Variants in MEF2D observed in about 807,000 individuals in gnomAD.
MEF2D encodes the protein myocyte-specific enhancer factor 2D.
In MEF2D, 10 loss-of-function variants were observed where a neutral mutation model predicts 59.3. The observed-to-expected ratio is 0.17, with a 90% CI of 0.10 to 0.29. MEF2D has a LOEUF of 0.29. Ranked by LOEUF, MEF2D falls within the 10% of genes least tolerant of loss-of-function variation. The pLI is 1.00. For synonymous variants in MEF2D, 305 were observed against 295.0 expected (o/e 1.03, Z -0.35); for missense variants, 508 against 699.4 (o/e 0.73, Z 3.09).
rs888421733 is a variant in MEF2D, at chr1:156,481,114, C to T, written c.259-143G>A. 1.8e-5 allele frequency: 21 copies of T among 1,169,770 alleles called. No individual in the cohort carries two copies. In the African/African-American group the frequency reaches 3.1e-4, roughly 17 times the overall value. The allele number at this position is 1,169,770 out of a possible 1,614,324, so 72.5% of individuals were successfully genotyped here. ...TCCCAGCATCTCCCTGGCCCCTCCC[C>T]ACTGACAGTGCCTCCTGGGGCATCG... On this transcript the variant is annotated intron_variant, in intron 3 of 11. Transcript: ENST00000348159.
At chr1:156,493,322 C>A (rs1672926834) in intron 1 of MEF2D, among the ~76,000 whole-genome samples, 1 of 152,170 alleles carries the variant, frequency 6.6e-6, no homozygotes, top group South Asian at 2.1e-4. Context: ...AGCAAATCCT[C>A]CTAGAGACAT....
chr1:156,482,362 G>A (rs1672080396), intron 3 of MEF2D, 75 bp downstream of exon 3: 2 of 1,507,504 alleles, frequency 1.3e-6, no homozygotes, highest in Non-Finnish European at 1.8e-6. Flanking sequence ...AGGTCTGCGT[G>A]TACATGCAAC....
At chr1:156,477,943 T>A (rs535360892) in intron 6 of MEF2D, among the ~76,000 whole-genome samples, 2 of 152,238 alleles carry the variant, frequency 1.3e-5, no homozygotes, top group Admixed American at 6.5e-5. Flanking sequence ...CTTTCACACA[T>A]GTATTATCTT....
chr1:156,488,874 C>T (rs1289405012), intron 1 of MEF2D, among the ~76,000 whole-genome samples: 2 of 152,126 alleles, frequency 1.3e-5, no homozygotes, highest in Non-Finnish European at 2.9e-5. Context: ...GAATTCCTTT[C>T]CGATAGCCAG....
In MEF2D at chr1:156,468,691, T is replaced by C; in HGVS notation, c.1247+89A>G. ...CCTCATAGGATGTCCACTAGAACCC[T>C]GCAGGGAACCCAGCTCCCAAGAGGT... On this transcript the variant is annotated intron_variant, in intron 10 of 11. Coordinates refer to ENST00000348159, the MANE Select transcript of MEF2D (RefSeq NM_005920.4). This position sits in a 1 kb window ranked among gnomAD's most constrained non-coding sequence, Gnocchi z 4.3. 1 of 1,548,698 alleles carries C rather than the reference T, an allele frequency of 6.5e-7. No individual in the cohort carries two copies. Among genetic ancestry groups the C allele is most frequent in the South Asian group, 1.2e-5 (1 of 81,380 alleles).
At position 156,465,350 on chromosome 1, in the gene MEF2D, G is replaced by T; in HGVS notation, c.*2295C>A. 6.6e-6 allele frequency: 1 copy of T among 152,666 alleles called. No individual in the cohort carries two copies. 9.5% of individuals were successfully genotyped at this position (152,666 alleles called of 1,614,324 possible). The stretch of plus-strand genomic sequence containing the variant: ...GTGGGTGGAAGCAGAGGTCCCTGGA[G>T]GGAGAGACCTTGGCAGAGGTAGGGC... On this transcript the variant is annotated 3_prime_UTR_variant, in exon 12 of 12. Coordinates refer to ENST00000348159, the MANE Select transcript of MEF2D (RefSeq NM_005920.4).
rs114790563 is a variant in MEF2D at position 156,473,652 on chromosome 1, C to T, written c.1006+1456G>A. ...GAGAGTATCACAGACTGTTCCTGCG[C>T]AGGTGTGAGTGGGTGGGTGACACAG... On this transcript the variant is annotated intron_variant, in intron 9 of 11. Coordinates refer to ENST00000348159, the MANE Select transcript of MEF2D (RefSeq NM_005920.4). Among the ~76,000 whole-genome samples, 206 of 152,328 alleles carry T rather than the reference C, an allele frequency of 1.4e-3. 1 individual carries two copies. The highest frequency in any genetic ancestry group is 4.7e-3 in the African/African-American group (195 of 41,568).
At chr1:156,476,220 T>G (rs766859459) in intron 8 of MEF2D, among the ~76,000 whole-genome samples, 30 of 152,112 alleles carry the variant, frequency 2.0e-4, no homozygotes, top group Non-Finnish European at 3.8e-4. Context: ...CACACGTACA[T>G]ACAGAGAAAG....
At chr1:156,500,068 G>A (rs1673391960) in intron 1 of MEF2D, among the ~76,000 whole-genome samples, 1 of 152,154 alleles carries the variant, frequency 6.6e-6, no homozygotes. Context: ...GGCGAGAGGA[G>A]GGAGAGGGAG....
At chr1:156,495,054 C>G (rs926194411) in intron 1 of MEF2D, among the ~76,000 whole-genome samples, 1 of 152,184 alleles carries the variant, frequency 6.6e-6, no homozygotes, top group African/African-American at 2.4e-5. Flanking sequence ...CTCACAGGGA[C>G]AGCAGGAGGG....
intron 9 of MEF2D, among the ~76,000 whole-genome samples, chr1:156,470,915 G>T (rs1366746612): frequency 6.6e-6 from 1 of 152,154 alleles, no homozygotes; most frequent in Non-Finnish European, 1.5e-5. Flanking sequence ...GCTAAGACAG[G>T]ACCCCAGGAC....
intron 1 of MEF2D, among the ~76,000 whole-genome samples, chr1:156,499,883 G>A (rs1673378533): frequency 6.6e-6 from 1 of 151,888 alleles, no homozygotes; most frequent in Non-Finnish European, 1.5e-5. Flanking sequence ...GCAAACACGG[G>A]CCCCGGAGAC....
chr1:156,469,587 C>CT (rs1671092407), intron 9 of MEF2D, among the ~76,000 whole-genome samples: 3 of 58,686 alleles, frequency 5.1e-5, no homozygotes, highest in Non-Finnish European at 1.0e-4. Flanking sequence ...TAGTGTTGAA[C>CT]TTAAAAAAAA....
intron 9 of MEF2D, among the ~76,000 whole-genome samples, chr1:156,471,006 T>C (rs1294033996): frequency 1.3e-5 from 2 of 152,172 alleles, no homozygotes; most frequent in East Asian, 3.8e-4. Context: ...TTTGAAATGC[T>C]TATTAAAAAA....
Position 156,479,346 on chromosome 1 carries a change from C to T in MEF2D, c.608G>A (p.Gly203Glu). 1.2e-6 allele frequency: 2 copies of T among 1,611,980 alleles called. No individual in the cohort carries two copies. Among genetic ancestry groups the T allele is most frequent in the East Asian group, 2.2e-5 (1 of 44,788 alleles). ...GTTCAGGTCACCCCCCAGCATGGCC[C>T]CTGGAGGAAAAACAGAACCAGGATG... is the stretch of plus-strand genomic sequence containing the variant. ...PGLPQRPASA[G>E]AMLGGDLNSA... The change falls in exon 6 of 12, where the codon GGG becomes GAG. Residue 203 changes from glycine (G) to glutamate (E), a missense_variant and splice_region_variant. By Grantham distance (98) the Gly-to-Glu change is moderately conservative. Around this residue, in one of 2 missense-constraint regions of MEF2D, gnomAD observed 481 missense variants for 584.7 expected, o/e 0.82. Transcript: ENST00000348159.
chr1:156,498,757 C>T (rs1673298054), intron 1 of MEF2D, among the ~76,000 whole-genome samples: 1 of 152,090 alleles, frequency 6.6e-6, no homozygotes, highest in African/African-American at 2.4e-5. Flanking sequence ...ACCCAAAGGT[C>T]CAAATGCCTA....
At chr1:156,499,944 TC>T (rs1673384087) in intron 1 of MEF2D, among the ~76,000 whole-genome samples, 1 of 149,602 alleles carries the variant, frequency 6.7e-6, no homozygotes, top group African/African-American at 2.5e-5. Flanking sequence ...CTGAACAACA[TC>T]CCCCCTCCCT....
In MEF2D at chr1:156,483,415, C is replaced by T. The variant is rs778259128; in HGVS notation, c.-123G>A. The stretch of plus-strand genomic sequence containing the variant: ...TGCTCAGTTCATGGTCTGCAGGATA[C>T]CTTCTGCACAGCCTCCTGGAAAGGG... On this transcript the variant is annotated 5_prime_UTR_variant, in exon 2 of 12. Transcript: ENST00000348159. The T allele has an allele frequency of 1.3e-4, 117 of 916,326 alleles. No individual in the cohort carries two copies. The highest frequency in any genetic ancestry group is 7.3e-4 in the Middle Eastern group (3 of 4,132). The allele number at this position is 916,326 out of a possible 1,614,324, so 56.8% of individuals were successfully genotyped here.
At chr1:156,495,449 G>A (rs1673072904) in intron 1 of MEF2D, among the ~76,000 whole-genome samples, 1 of 152,114 alleles carries the variant, frequency 6.6e-6, no homozygotes. Flanking sequence ...AGGAACATAA[G>A]AAATGGAAGT....
Sources: allele counts gnomAD v4.1 joint callset (sites outside exome capture counted in the v4.1 genomes callset), GRCh38; gene constraint gnomAD v4.1.1; regional missense constraint gnomAD v4.1.1; non-coding constraint Gnocchi (gnomAD v3.1); transcripts MANE v1.5; gene names NCBI Gene and HGNC (gene_info 2026-07-23, HGNC 2026-07-21).